IQGAP1: variants seen among roughly 807,000 people sequenced by gnomAD.
IQGAP1 encodes IQ motif containing GTPase activating protein 1.
A neutral mutation model predicts 215.6 loss-of-function variants in IQGAP1; 66 were observed. That is an observed-to-expected ratio of 0.31 (90% confidence interval 0.25 to 0.38). The LOEUF (loss-of-function observed/expected upper bound fraction) is 0.38. IQGAP1 is among the 10% of genes least tolerant of loss of function. The pLI, the probability that IQGAP1 is intolerant of heterozygous loss-of-function variation, is 1.00. For synonymous variants in IQGAP1, 772 were observed against 728.7 expected, an observed-to-expected ratio of 1.06 and a Z score of -0.96; for missense variants, 1,712 against 1,997.1, an observed-to-expected ratio of 0.86 and a Z score of 2.72.
At chr15:90,492,441 A>AAAT in intron 34 of IQGAP1, 104 bp from the exon 35 acceptor site, 6 of 667,908 alleles carry the variant, frequency 9.0e-6, no homozygotes, top group Non-Finnish European at 1.1e-5. Flanking sequence ...AAAAAAAAAA[A>AAAT]GTAGGTAGTC....
At chr15:90,474,883 C>T in intron 23 of IQGAP1, 190 bp downstream of exon 23, 2 of 565,172 alleles carry the variant, frequency 3.5e-6, no homozygotes, top group South Asian at 2.1e-5. Flanking sequence ...GATCTCAGCT[C>T]ACTGCAACCT....
At chr15:90,474,460 T>C in intron 22 of IQGAP1, 25 bp from the exon 23 acceptor site, 5 of 1,569,534 alleles carry the variant, frequency 3.2e-6, no homozygotes, top group Non-Finnish European at 4.4e-6. Flanking sequence ...GCTAACTCCA[T>C]TCTTTGATGC....
At chr15:90,466,170 TATGGGGGAACAATTTGC>T (rs917390230) in intron 16 of IQGAP1, 79 bp downstream of exon 16, 2 of 1,572,266 alleles carry the variant, frequency 1.3e-6, no homozygotes, top group African/African-American at 2.7e-5. Context: ...CCAAGATAGG[TATGGGGGAACAATTTGC>T]CAGTAGATAT....
intron 2 of IQGAP1, among the ~76,000 whole-genome samples, chr15:90,410,261 T>G (rs907534793): frequency 1.3e-5 from 2 of 152,208 alleles, no homozygotes; most frequent in African/African-American, 2.4e-5. Context: ...GTTCAACCAT[T>G]GTGGAAGACA....
chr15:90,467,387 C>T (rs1466963580), intron 17 of IQGAP1, 63 bp from the exon 18 acceptor site: 2 of 1,512,530 alleles, frequency 1.3e-6, no homozygotes, highest in Non-Finnish European at 1.8e-6. Flanking sequence ...TCCTGCAGTT[C>T]TGGACGTACA....
chr15:90,415,054 T>C (rs1239028593), intron 2 of IQGAP1, among the ~76,000 whole-genome samples: 1 of 152,240 alleles, frequency 6.6e-6, no homozygotes. Flanking sequence ...CTCCTAGAAT[T>C]GTGTGTCAGA....
At chr15:90,421,062 G>A (rs115460785) in intron 2 of IQGAP1, among the ~76,000 whole-genome samples, 8,226 of 152,254 alleles carry the variant, frequency 0.054, 318 homozygotes, top group Middle Eastern at 0.15. Flanking sequence ...GCTTGAACCC[G>A]GAAGCCAGAG....
Position 90,487,591 on chromosome 15 carries a change from T to G in IQGAP1, c.4248+9T>G. 6.3e-7 allele frequency: 1 copy of G among 1,593,828 alleles called. No homozygotes were observed. Among genetic ancestry groups the G allele is most frequent in the East Asian group, 2.2e-5 (1 of 44,776 alleles). On this transcript the variant is annotated intron_variant, in intron 33 of 37. Transcript: ENST00000268182. ...CAGCCACCAGTGAACAGGTAAAATT[T>G]AGGGTCTAACATACTCCTTTGTTTG...
At chr15:90,404,127 A>T (rs1021613333) in intron 2 of IQGAP1, among the ~76,000 whole-genome samples, 3 of 152,204 alleles carry the variant, frequency 2.0e-5, no homozygotes, top group Non-Finnish European at 4.4e-5. Context: ...TAGGTATGCC[A>T]TTGTGCATGT....
chr15:90,439,500 C>G, intron 6 of IQGAP1, 101 bp downstream of exon 6: 1 of 806,786 alleles, frequency 1.2e-6, no homozygotes, highest in South Asian at 1.7e-5. Flanking sequence ...TAAAAATACA[C>G]TGGCAGTGGA....
At chr15:90,480,220 T>TA (rs999179798) in intron 26 of IQGAP1, among the ~76,000 whole-genome samples, 1,441 of 92,286 alleles carry the variant, frequency 0.016, 14 homozygotes, top group Middle Eastern at 0.049. Context: ...CCCCATATCT[T>TA]AAAAAAAAAA....
At chr15:90,451,292 C>G (rs1047222295) in intron 11 of IQGAP1, among the ~76,000 whole-genome samples, 3 of 152,310 alleles carry the variant, frequency 2.0e-5, no homozygotes, top group African/African-American at 7.2e-5. Context: ...GCTCACAGCT[C>G]TGCAGGCTGT....
At chr15:90,476,292 C>G (rs1032647671) in intron 23 of IQGAP1, among the ~76,000 whole-genome samples, 1 of 152,090 alleles carries the variant, frequency 6.6e-6, no homozygotes, top group Non-Finnish European at 1.5e-5. Flanking sequence ...TATGATTTAC[C>G]TCTTTTTCCC....
intron 2 of IQGAP1, among the ~76,000 whole-genome samples, chr15:90,395,521 C>A (rs534414942): frequency 6.6e-6 from 1 of 152,074 alleles, no homozygotes; most frequent in Non-Finnish European, 1.5e-5. Flanking sequence ...GGGGTTTCAC[C>A]GTGTTAGCCA....
intron 9 of IQGAP1, 96 bp downstream of exon 9, chr15:90,443,574 A>G (rs914244785): frequency 1.3e-5 from 9 of 688,912 alleles, no homozygotes; most frequent in East Asian, 1.1e-4. Context: ...TGATTTACTT[A>G]CTTTAGACAT....
At position 90,483,521 on chromosome 15, in the gene IQGAP1, A is replaced by C; in HGVS notation, c.3716A>C (p.Lys1239Thr). The C allele has an allele frequency of 6.2e-7, 1 of 1,614,220 alleles. No individual in the cohort carries two copies. The highest frequency in any genetic ancestry group is 8.5e-7 in the Non-Finnish European group (1 of 1,180,048). The change falls in exon 29 of 38, where the codon AAG (lysine) becomes ACG (threonine). Residue 1239 changes from lysine to threonine, a missense_variant. Transcript: ENST00000268182. ...AKMLQHAASNKMFLGDNAHLS... is the reference protein window; with the variant it reads ...AKMLQHAASNTMFLGDNAHLS... The stretch of plus-strand genomic sequence containing the variant: ...ATGCTTCAGCATGCTGCTTCCAATA[A>C]GATGTTTCTGGGAGATAATGCCCAC...
intron 6 of IQGAP1, 137 bp downstream of exon 6, chr15:90,439,536 T>G: frequency 1.7e-6 from 1 of 581,226 alleles, no homozygotes; most frequent in Non-Finnish European, 3.1e-6. Flanking sequence ...AATAACTTGC[T>G]TCTCTAATGT....
At position 90,439,420 on chromosome 15, in the gene IQGAP1, C is replaced by G. The variant is rs571262521; in HGVS notation, c.535+21C>G. On this transcript the variant is annotated intron_variant, in intron 6 of 37. Coordinates refer to ENST00000268182, the MANE Select transcript of IQGAP1 (RefSeq NM_003870.4). ...CACAGGTAAGGAGTTAGATACTTGG[C>G]AGGAAATGCTTGAATTATGTGGAAA... 113 of 1,589,430 alleles carry G rather than the reference C, an allele frequency of 7.1e-5. No homozygotes were observed. In the Admixed American group the frequency reaches 7.4e-4, roughly 10 times the overall value.
chr15:90,416,163 C>T (rs1042707674), intron 2 of IQGAP1, among the ~76,000 whole-genome samples: 1 of 152,058 alleles, frequency 6.6e-6, no homozygotes, highest in Admixed American at 6.6e-5. Flanking sequence ...AATGCTATCC[C>T]TCCCGCCTCC....
Sources: allele counts gnomAD v4.1 joint callset (sites outside exome capture counted in the v4.1 genomes callset), GRCh38; gene constraint gnomAD v4.1.1; transcripts MANE v1.5; gene names NCBI Gene and HGNC (gene_info 2026-07-23, HGNC 2026-07-21).